Variants in MED1 observed in about 807,000 individuals in gnomAD.
MED1 encodes mediator complex subunit 1, also known as mediator of RNA polymerase II transcription subunit 1.
In MED1, 17 loss-of-function variants were observed where a neutral mutation model predicts 121.3. The ratio of observed to expected loss-of-function variants is 0.14; its 90% CI spans 0.10 to 0.21. The LOEUF (loss-of-function observed/expected upper bound fraction) is 0.21. Among genes scored for constraint, MED1 ranks in the 10% least tolerant of loss-of-function variants. The probability of loss-of-function intolerance (pLI) is 1.00; values close to 1 mark genes in which losing one functional copy is unlikely to be tolerated. For synonymous variants in MED1, 661 were observed against 694.4 expected (o/e 0.95, Z 0.76); for missense variants, 1,558 against 1,919.4 (o/e 0.81, Z 3.52).
At chr17:39,426,883 G>A (rs1249912902) in intron 10 of MED1, among the ~76,000 whole-genome samples, 1 of 151,270 alleles carries the variant, frequency 6.6e-6, no homozygotes, top group African/African-American at 2.4e-5. Context: ...AGAAAATAAT[G>A]TCCATTACCA....
Position 39,440,333 on chromosome 17 carries a change from T to G in MED1, c.399+53A>C. 1 of 1,494,592 alleles carries G rather than the reference T, an allele frequency of 6.7e-7. No individual in the cohort carries two copies. Among genetic ancestry groups the G allele is most frequent in the Non-Finnish European group, 8.9e-7 (1 of 1,125,284 alleles). 92.6% of individuals were successfully genotyped at this position (1,494,592 alleles called of 1,614,324 possible). A position where few individuals can be genotyped will look rare whatever the true frequency, so the allele number is the denominator to read the frequency against. ...AAACCCCAACAATTAATTTTAAAAT[T>G]AATGTCCCTAAGTAAACCCCACAGA... On this transcript the variant is annotated intron_variant, in intron 5 of 16. Transcript: ENST00000300651. The surrounding 1 kb of genome is among the most constrained non-coding windows in gnomAD (Gnocchi z 4.1).
In MED1 at chr17:39,440,650, C is replaced by T. The variant is rs376343850; in HGVS notation, c.239G>A (p.Arg80His). The T allele has an allele frequency of 8.7e-6, 14 of 1,613,260 alleles. No individual in the cohort carries two copies. Among genetic ancestry groups the T allele is most frequent in the South Asian group, 2.2e-5 (2 of 90,972 alleles). Residue 80 changes from arginine to histidine, a missense_variant, in exon 4 of 17, where the codon CGT (arginine) becomes CAT (histidine). Coordinates refer to ENST00000300651, the MANE Select transcript of MED1 (RefSeq NM_004774.4). This position sits in a 1 kb window ranked among gnomAD's most constrained non-coding sequence, Gnocchi z 4.1. ...KVTSLPAMTDRLESIARQNGL... is the reference protein window; with the variant it reads ...KVTSLPAMTDHLESIARQNGL... ...ATTCTGTCTTGCTATGGACTCCAAA[C>T]GATCAGTCATTGCTGGTAAAGATGT...
intron 10 of MED1, 86 bp downstream of exon 10, chr17:39,427,615 A>G: frequency 1.1e-6 from 1 of 949,316 alleles, no homozygotes; most frequent in Non-Finnish European, 1.6e-6. Context: ...AAGGTCAACA[A>G]ACTCATTAGA....
chr17:39,442,208 A>G (rs570058670), intron 3 of MED1, among the ~76,000 whole-genome samples: 1 of 152,136 alleles, frequency 6.6e-6, no homozygotes, highest in South Asian at 2.1e-4. Context: ...ATTAGTCATT[A>G]TAAGCATGAA....
intron 9 of MED1, among the ~76,000 whole-genome samples, chr17:39,429,936 A>T (rs1317244334): frequency 6.6e-6 from 1 of 152,082 alleles, no homozygotes; most frequent in Non-Finnish European, 1.5e-5. Context: ...AACAAAAATT[A>T]GCCAGGCATG....
rs926588852 is a variant in MED1 at position 39,443,497 on chromosome 17, T to C, written c.211+53A>G. 5.3e-6 allele frequency: 8 copies of C among 1,506,534 alleles called. No homozygotes were observed. The African/African-American group carries it at 1.1e-4, about 21-fold the overall frequency. 93.3% of individuals were successfully genotyped at this position (1,506,534 alleles called of 1,614,324 possible). A position where few individuals can be genotyped will look rare whatever the true frequency, so the allele number is the denominator to read the frequency against. On this transcript the variant is annotated intron_variant, in intron 3 of 16. Coordinates refer to ENST00000300651, the MANE Select transcript of MED1 (RefSeq NM_004774.4). ...TTCTAGTTTAAGTATAAAATGGTCC[T>C]TCTTGAACTGGGGGTTTTGTGAAAT... is the stretch of plus-strand genomic sequence containing the variant.
rs1318676369 is a variant in MED1, at chr17:39,409,977, G to A, written c.2244C>T (p.Pro748=). 1 of 1,614,100 alleles carries A rather than the reference G, an allele frequency of 6.2e-7. No homozygotes were observed. The highest frequency in any genetic ancestry group is 8.5e-7 in the Non-Finnish European group (1 of 1,180,018). The stretch of plus-strand genomic sequence containing the variant: ...GTACTGGTTGTGGGTAAGTTGTTGG[G>A]GGAGTGCTACACTGGCTTGGAGCTG... ...ITPAPSQCST[P]PTTYPQPVPH... The change falls in exon 17 of 17, where the codon CCC becomes CCT. Residue 748 remains proline (P), a synonymous_variant. Coordinates refer to ENST00000300651, the MANE Select transcript of MED1 (RefSeq NM_004774.4).
chr17:39,451,189 G>A lies in MED1; in HGVS notation c.-127C>T. The A allele has an allele frequency of 9.3e-7, 1 of 1,079,366 alleles. No individual in the cohort carries two copies. Among genetic ancestry groups the A allele is most frequent in the South Asian group, 1.4e-5 (1 of 69,518 alleles). The allele number at this position is 1,079,366 out of a possible 1,614,324, so 66.9% of individuals were successfully genotyped here. A position where few individuals can be genotyped will look rare whatever the true frequency, so the allele number is the denominator to read the frequency against. ...CAGCAGTCCCTACTCTTCCCGGGAA[G>A]GATCAATCTGAAGTCCCCGGCGGCA... On this transcript the variant is annotated 5_prime_UTR_variant, in exon 1 of 17. Transcript: ENST00000300651.
In MED1 at chr17:39,405,097, A is replaced by G; in HGVS notation, c.*2378T>C. 9.4e-7 allele frequency: 1 copy of G among 1,068,892 alleles called. No individual in the cohort carries two copies. The highest frequency in any genetic ancestry group is 2.6e-5 in the East Asian group (1 of 37,804). The allele number at this position is 1,068,892 out of a possible 1,614,324, so 66.2% of individuals were successfully genotyped here. On this transcript the variant is annotated 3_prime_UTR_variant, in exon 17 of 17. Coordinates refer to ENST00000300651, the MANE Select transcript of MED1 (RefSeq NM_004774.4). ...GAAACAGAAGAATGAGTACACCTAG[A>G]CAGGAGGGAGGTGTCCCAGGCTTGG...
rs540999864 is a variant in MED1 at position 39,414,628 on chromosome 17, C to T, written c.1499+398G>A. ...GGGATTACAGGCGTGAGCCACCAGG[C>T]CCGGCCTTTTTTTTTTTTTTTTTTT... On this transcript the variant is annotated intron_variant, in intron 16 of 16. Coordinates refer to ENST00000300651, the MANE Select transcript of MED1 (RefSeq NM_004774.4). Among the ~76,000 whole-genome samples, 20 of 132,404 alleles carry T rather than the reference C, an allele frequency of 1.5e-4. 2 individuals carry two copies. The highest frequency in any genetic ancestry group is 5.6e-4 in the African/African-American group (20 of 35,414). The allele number at this position is 132,404 out of a possible 152,430, so 86.9% of individuals were successfully genotyped here. A position where few individuals can be genotyped will look rare whatever the true frequency, so the allele number is the denominator to read the frequency against.
At chr17:39,428,628 C>T (rs1378177920) in intron 9 of MED1, among the ~76,000 whole-genome samples, 3 of 151,804 alleles carry the variant, frequency 2.0e-5, no homozygotes, top group African/African-American at 7.3e-5. Flanking sequence ...AGCAAGACCC[C>T]GTCTCAAAAA....
rs1343455479 is a variant in MED1 at position 39,440,887 on chromosome 17, G to A, written c.212-210C>T. On this transcript the variant is annotated intron_variant, in intron 3 of 16. Transcript: ENST00000300651. The surrounding 1 kb of genome is among the most constrained non-coding windows in gnomAD (Gnocchi z 4.1). ...AAAAAGATCTATTTGAAAAATTACC[G>A]AACCTTTCTCCTCTCCTGTTTTCAT... is the stretch of plus-strand genomic sequence containing the variant. Among the ~76,000 whole-genome samples, 4 of 151,868 alleles carry A rather than the reference G, an allele frequency of 2.6e-5. No individual in the cohort carries two copies. Among genetic ancestry groups the A allele is most frequent in the Admixed American group, 1.3e-4 (2 of 15,210 alleles).
intron 2 of MED1, among the ~76,000 whole-genome samples, chr17:39,444,198 G>A (rs1311113911): frequency 6.6e-6 from 1 of 152,056 alleles, no homozygotes; most frequent in African/African-American, 2.4e-5. Context: ...TTAAGAAAAT[G>A]AGATTGACTC....
At chr17:39,444,335 C>G (rs911549950) in intron 2 of MED1, among the ~76,000 whole-genome samples, 2 of 151,352 alleles carry the variant, frequency 1.3e-5, no homozygotes, top group Non-Finnish European at 2.9e-5. Context: ...GGTGAAACCC[C>G]GTCTCTACTA....
chr17:39,419,853 A>C lies in MED1; in HGVS notation c.1161T>G (p.Ser387Arg), dbSNP rs1397428004. The C allele has an allele frequency of 6.2e-7, 1 of 1,614,026 alleles. No individual in the cohort carries two copies. Among genetic ancestry groups the C allele is most frequent in the Non-Finnish European group, 8.5e-7 (1 of 1,180,008 alleles). ...NKDAPLPDGR[S>R]LQGTLVSKIT... ...TTTTGCTAACAAGGGTTCCCTGTAG[A>C]CTTCGGCCATCTGGAAGAGGAGCAT... The change falls in exon 14 of 17, where the codon AGT (serine) becomes AGG (arginine). Residue 387 changes from serine to arginine, a missense_variant. This residue lies in a region of MED1 where 443 missense variants were observed against 532.4 expected (regional missense o/e 0.83). Transcript: ENST00000300651.
intron 7 of MED1, among the ~76,000 whole-genome samples, chr17:39,432,617 G>A (rs931541504): frequency 7.9e-5 from 12 of 151,726 alleles, no homozygotes; most frequent in African/African-American, 2.9e-4. Context: ...AGCCAGGCGT[G>A]GCAGCATGCG....
chr17:39,410,013 T>C lies in MED1; in HGVS notation c.2208A>G (p.Pro736=). 3 of 1,614,154 alleles carry C rather than the reference T, an allele frequency of 1.9e-6. No homozygotes were observed. The highest frequency in any genetic ancestry group is 1.7e-6 in the Non-Finnish European group (2 of 1,180,006). Residue 736 remains proline, a synonymous_variant, in exon 17 of 17, where the codon CCA becomes CCG. Coordinates refer to ENST00000300651, the MANE Select transcript of MED1 (RefSeq NM_004774.4). ...ACTGGCTTGGAGCTGGAGTGATGTGTGGCGTATCCAGCGTGTCAGCTGTCA... is the reference window on the plus strand; with the variant it reads ...ACTGGCTTGGAGCTGGAGTGATGTGCGGCGTATCCAGCGTGTCAGCTGTCA... ...VNMTADTLDT[P]HITPAPSQCS...
Position 39,409,628 on chromosome 17 carries a change from AATC to A in MED1, c.2590_2592del (p.Asp864del). On this transcript the variant is annotated inframe_deletion, in exon 17 of 17. Transcript: ENST00000300651. ...TGGCTGTTCAATAAATCAGGATTGA[AATC>A]TACTCCATCATGAAAAAAATGATTG... The A allele has an allele frequency of 1.2e-6, 2 of 1,614,178 alleles. No homozygotes were observed. Among genetic ancestry groups the A allele is most frequent in the Non-Finnish European group, 1.7e-6 (2 of 1,180,040 alleles).
In MED1 at chr17:39,410,567, T is replaced by C; in HGVS notation, c.1654A>G (p.Thr552Ala). 6.2e-7 allele frequency: 1 copy of C among 1,614,104 alleles called. No homozygotes were observed. Among genetic ancestry groups the C allele is most frequent in the Non-Finnish European group, 8.5e-7 (1 of 1,180,006 alleles). ...PASSPGYGMT[T>A]GNNPMSGTTT... is the part of the protein sequence containing the mutation. ...GTACCACTCATTGGGTTGTTGCCTG[T>C]GGTCATGCCATACCCTGGGCTGCTA... The change falls in exon 17 of 17, where the codon ACA (threonine) becomes GCA (alanine). Residue 552 changes from threonine (T) to alanine (A), a missense_variant. Coordinates refer to ENST00000300651, the MANE Select transcript of MED1 (RefSeq NM_004774.4).
Sources: allele counts gnomAD v4.1 joint callset (sites outside exome capture counted in the v4.1 genomes callset), GRCh38; gene constraint gnomAD v4.1.1; regional missense constraint gnomAD v4.1.1; non-coding constraint Gnocchi (gnomAD v3.1); transcripts MANE v1.5; gene names NCBI Gene and HGNC (gene_info 2026-07-23, HGNC 2026-07-21).